The following GMDS variants were observed in gnomAD, a reference collection of about 807,000 sequenced individuals.
GMDS encodes the protein GDP-mannose 4,6 dehydratase.
Under a neutral mutation model 49.9 loss-of-function variants are expected in GMDS, and 20 were observed. The observed-to-expected ratio is 0.40, with a 90% confidence interval of 0.28 to 0.58. The LOEUF is 0.58. Ranked by LOEUF, GMDS falls within the 20% of genes least tolerant of loss-of-function variation. The probability of loss-of-function intolerance (pLI) is 0.42; values close to 1 mark genes in which losing one functional copy is unlikely to be tolerated. For synonymous variants in GMDS, 177 were observed against 178.6 expected (o/e 0.99, Z 0.07); for missense variants, 362 against 481.4 (o/e 0.75, Z 2.32).
chr6:2,225,165 CAA>C (rs1188506396), intron 1 of GMDS, among the ~76,000 whole-genome samples: 8 of 119,794 alleles, frequency 6.7e-5, no homozygotes, highest in African/African-American at 8.7e-5. Context: ...ATAAAAAATA[CAA>C]AAAAAAAAAA....
chr6:2,008,802 G>A (rs1767362989), intron 4 of GMDS, among the ~76,000 whole-genome samples: 1 of 151,350 alleles, frequency 6.6e-6, no homozygotes, highest in African/African-American at 2.4e-5. Context: ...AGGTGGTGTA[G>A]ACATGTGCTC....
At chr6:1,962,620 C>G (rs1409672542) in intron 4 of GMDS, among the ~76,000 whole-genome samples, 3 of 152,000 alleles carry the variant, frequency 2.0e-5, no homozygotes, top group Non-Finnish European at 4.4e-5. Context: ...TGTGGTTTTT[C>G]TTTTTCCTAA....
At chr6:1,981,228 C>G (rs753246319) in intron 4 of GMDS, among the ~76,000 whole-genome samples, 3 of 144,468 alleles carry the variant, frequency 2.1e-5, no homozygotes, top group Non-Finnish European at 4.5e-5. Flanking sequence ...ATGAAAAAAC[C>G]TGCAAAAAAA....
intron 4 of GMDS, among the ~76,000 whole-genome samples, chr6:2,087,258 A>C (rs1374113731): frequency 2.0e-5 from 3 of 152,364 alleles, no homozygotes; most frequent in African/African-American, 7.2e-5. Context: ...GTAAACCAAT[A>C]GTCAGTTCTT....
intron 1 of GMDS, among the ~76,000 whole-genome samples, chr6:2,230,947 C>G (rs1325856155): frequency 1.1e-5 from 1 of 88,908 alleles, no homozygotes; most frequent in African/African-American, 4.6e-5. Flanking sequence ...TCCCACCCCC[C>G]CCCCCCGTTC....
At chr6:1,942,802 T>C (rs976124270) in intron 6 of GMDS, among the ~76,000 whole-genome samples, 3 of 152,240 alleles carry the variant, frequency 2.0e-5, no homozygotes, top group Non-Finnish European at 4.4e-5. Context: ...TCTTCAATTA[T>C]TTCACTTAAG....
At chr6:2,145,247 T>C (rs1776493778) in intron 1 of GMDS, among the ~76,000 whole-genome samples, 1 of 152,148 alleles carries the variant, frequency 6.6e-6, no homozygotes, top group Admixed American at 6.6e-5. Flanking sequence ...AAATATCAAA[T>C]TTTTAGACCG....
chr6:1,748,796 G>T (rs1767613082), intron 7 of GMDS, among the ~76,000 whole-genome samples: 1 of 152,218 alleles, frequency 6.6e-6, no homozygotes, highest in Admixed American at 6.5e-5. Flanking sequence ...ACAAAAATAT[G>T]TTGCCTGTAA....
At chr6:1,795,021 C>T (rs1426927465) in intron 7 of GMDS, among the ~76,000 whole-genome samples, 1 of 152,018 alleles carries the variant, frequency 6.6e-6, no homozygotes, top group East Asian at 1.9e-4. Flanking sequence ...GAAGCCCCAT[C>T]TCTACAAAAC....
chr6:1,846,351 C>T (rs1359011127), intron 7 of GMDS, among the ~76,000 whole-genome samples: 1 of 151,974 alleles, frequency 6.6e-6, no homozygotes, highest in African/African-American at 2.4e-5. Context: ...CCTTGGCCTC[C>T]CAAAGTGTTG....
chr6:1,678,977 A>AAACTGACT (rs1764704544), intron 9 of GMDS, among the ~76,000 whole-genome samples: 1 of 152,242 alleles, frequency 6.6e-6, no homozygotes, highest in Non-Finnish European at 1.5e-5. Context: ...ACAGCAAAGC[A>AAACTGACT]AACTGACTAA....
At chr6:1,998,875 GT>G (rs3047746) in intron 4 of GMDS, among the ~76,000 whole-genome samples, 199 of 151,746 alleles carry the variant, frequency 1.3e-3, no homozygotes, top group Non-Finnish European at 2.1e-3. Context: ...AAGGAAAACT[GT>G]TTTTTTTAAA....
chr6:2,211,287 G>A (rs73420753), intron 1 of GMDS, among the ~76,000 whole-genome samples: 3,082 of 152,216 alleles, frequency 0.02, 94 homozygotes, highest in African/African-American at 0.068. Context: ...CCTTACACAC[G>A]TACTTGACGT....
rs150954298 is a variant in GMDS at position 1,827,324 on chromosome 6, T to A, written c.772-84738A>T. Among the ~76,000 whole-genome samples, 764 of 151,082 alleles carry A rather than the reference T, an allele frequency of 5.1e-3. 7 individuals are homozygous for A. Among genetic ancestry groups the A allele is most frequent in the African/African-American group, 0.017 (703 of 41,004 alleles). On this transcript the variant is annotated intron_variant, in intron 7 of 10. Coordinates refer to ENST00000380815, the MANE Select transcript of GMDS (RefSeq NM_001500.4). ...TTTGGAAAACCTGTATATACACACG[T>A]TTTAGAAAACCTGTATATACACACG...
Position 1,696,283 on chromosome 6 carries a change from G to A in GMDS, c.987+30133C>T, listed in dbSNP as rs892224152. 7.2e-5 allele frequency among the ~76,000 whole-genome samples: 11 copies of A among 152,328 alleles called. No homozygotes were observed. The South Asian group carries it at 8.3e-4, about 11-fold the overall frequency. ...TGTGACTTGCAACAGAACTTTTCCCGAAGAGCGCAGTCCTCCCTGAGCAAA... is the reference window on the plus strand; with the variant it reads ...TGTGACTTGCAACAGAACTTTTCCCAAAGAGCGCAGTCCTCCCTGAGCAAA... On this transcript the variant is annotated intron_variant, in intron 9 of 10. Transcript: ENST00000380815.
intron 8 of GMDS, among the ~76,000 whole-genome samples, chr6:1,737,282 C>G (rs1369139198): frequency 6.6e-6 from 1 of 152,188 alleles, no homozygotes; most frequent in East Asian, 1.9e-4. Flanking sequence ...TTGTAGGGTA[C>G]TCTTACAACT....
chr6:1,849,481 G>C (rs1179628848), intron 7 of GMDS, among the ~76,000 whole-genome samples: 1 of 152,116 alleles, frequency 6.6e-6, no homozygotes, highest in African/African-American at 2.4e-5. Context: ...GGGTAAAAAA[G>C]CAAACAGCAC....
intron 7 of GMDS, among the ~76,000 whole-genome samples, chr6:1,882,857 C>G (rs1439114671): frequency 1.3e-5 from 2 of 152,156 alleles, no homozygotes; most frequent in Admixed American, 6.5e-5. Context: ...GTCTTTATAA[C>G]TTTTAGGCTT....
chr6:2,043,943 G>T (rs755949839), intron 4 of GMDS, among the ~76,000 whole-genome samples: 2 of 152,006 alleles, frequency 1.3e-5, no homozygotes, highest in Non-Finnish European at 2.9e-5. Context: ...ACATACGTGT[G>T]GCCAACAAGC....
Sources: allele counts gnomAD v4.1 joint callset (sites outside exome capture counted in the v4.1 genomes callset), GRCh38; gene constraint gnomAD v4.1.1; transcripts MANE v1.5; gene names NCBI Gene and HGNC (gene_info 2026-07-23, HGNC 2026-07-21).